SEC61A1: variants seen among roughly 807,000 people sequenced by gnomAD.
SEC61A1 encodes SEC61 translocon subunit alpha 1.
SEC61A1 carries 15 observed loss-of-function variants against 55.2 expected under a neutral mutation model. The ratio of observed to expected loss-of-function variants is 0.27; its 90% confidence interval spans 0.18 to 0.42. SEC61A1 has a LOEUF of 0.42. Ranked by LOEUF, SEC61A1 falls within the 10% of genes least tolerant of loss-of-function variation. The probability of loss-of-function intolerance (pLI) is 1.00; values close to 1 mark genes in which losing one functional copy is unlikely to be tolerated. For missense variants in SEC61A1, 284 were observed against 602.6 expected (o/e 0.47, Z 5.53); for synonymous variants, 247 against 234.0 (o/e 1.06, Z -0.51).
Position 128,067,399 on chromosome 3 carries a change from C to G in SEC61A1, c.976-22C>G, listed in dbSNP as rs558238571. 6.3e-7 allele frequency: 1 copy of G among 1,599,956 alleles called. No individual in the cohort carries two copies. The highest frequency in any genetic ancestry group is 1.7e-5 in the Admixed American group (1 of 57,166). ...AGTAAAATGAAGGAGCACTCACATG[C>G]GTTTGGTTTCTTCTTCCCCAGGACA... On this transcript the variant is annotated intron_variant, in intron 9 of 11. Transcript: ENST00000243253. This position sits in a 1 kb window ranked among gnomAD's most constrained non-coding sequence, Gnocchi z 4.1.
At position 128,055,257 on chromosome 3, in the gene SEC61A1, A is replaced by G. The variant is rs148973603; in HGVS notation, c.76-259A>G. 2.0e-3 allele frequency among the ~76,000 whole-genome samples: 310 copies of G among 152,308 alleles called. 2 individuals are homozygous for G. The highest frequency in any genetic ancestry group is 6.7e-3 in the African/African-American group (280 of 41,566). ...AAATTATTTAGCTCTTCTAAGGCTC[A>G]GTTGTAAAATAAAGGTAATGCTCTG... On this transcript the variant is annotated intron_variant, in intron 2 of 11. Coordinates refer to ENST00000243253, the MANE Select transcript of SEC61A1 (RefSeq NM_013336.4).
In SEC61A1 at chr3:128,071,644, G is replaced by A. The variant is rs72974063; in HGVS notation, c.*1982G>A. Reference sequence around the variant, plus strand: ...CGCCAAAATGGCATAACTGAGATAAGGTGAATAAGTGACAAATAAAGCCAG... The same window carrying A: ...CGCCAAAATGGCATAACTGAGATAAAGTGAATAAGTGACAAATAAAGCCAG... On this transcript the variant is annotated 3_prime_UTR_variant, in exon 12 of 12. Coordinates refer to ENST00000243253, the MANE Select transcript of SEC61A1 (RefSeq NM_013336.4). 155 of 152,792 alleles carry A rather than the reference G, an allele frequency of 1.0e-3. 1 individual carries two copies. The highest frequency in any genetic ancestry group is 3.2e-3 in the African/African-American group (133 of 41,582). The allele number at this position is 152,792 out of a possible 1,614,324, so 9.5% of individuals were successfully genotyped here. A position where few individuals can be genotyped will look rare whatever the true frequency, so the allele number is the denominator to read the frequency against.
At chr3:128,056,185 G>C (rs1172740440) in intron 4 of SEC61A1, among the ~76,000 whole-genome samples, 2 of 152,066 alleles carry the variant, frequency 1.3e-5, no homozygotes, top group Non-Finnish European at 2.9e-5. Flanking sequence ...GTTACTTATG[G>C]GACTGGGGAG....
At chr3:128,061,910 A>G (rs894968215) in intron 7 of SEC61A1, among the ~76,000 whole-genome samples, 3 of 152,210 alleles carry the variant, frequency 2.0e-5, no homozygotes, top group Non-Finnish European at 2.9e-5. Flanking sequence ...CCAGAGGCTC[A>G]TGTTCCATTC....
At chr3:128,061,058 A>G (rs569472558) in intron 7 of SEC61A1, among the ~76,000 whole-genome samples, 2 of 152,206 alleles carry the variant, frequency 1.3e-5, no homozygotes, top group East Asian at 1.9e-4. Flanking sequence ...CTCTCAGTGA[A>G]TAAGTTTCTA....
chr3:128,053,496 T>G (rs2107640278), intron 2 of SEC61A1, among the ~76,000 whole-genome samples: 1 of 152,336 alleles, frequency 6.6e-6, no homozygotes, highest in South Asian at 2.1e-4. Context: ...GTTGCCAGTG[T>G]AACTACAGCT....
Position 128,067,884 on chromosome 3 carries a change from G to T in SEC61A1, c.1168-99G>T. The T allele has an allele frequency of 1.1e-6, 1 of 932,386 alleles. No individual in the cohort carries two copies. 57.8% of individuals were successfully genotyped at this position (932,386 alleles called of 1,614,324 possible). A position where few individuals can be genotyped will look rare whatever the true frequency, so the allele number is the denominator to read the frequency against. On this transcript the variant is annotated intron_variant, in intron 10 of 11. Coordinates refer to ENST00000243253, the MANE Select transcript of SEC61A1 (RefSeq NM_013336.4). The surrounding 1 kb of genome is among the most constrained non-coding windows in gnomAD (Gnocchi z 4.1). ...AAAGTTCTCTGTATGAATATTGTCA[G>T]TGCTCGAAGAGGCGATCTGTAACTG...
chr3:128,052,037 A>G (rs1319781928), upstream of SEC61A1: 1 of 760,988 alleles, frequency 1.3e-6, no homozygotes, highest in Non-Finnish European at 2.2e-6. Context: ...CACTAACGTC[A>G]AAGAGCAGTG....
In SEC61A1 at chr3:128,067,897, C is replaced by A; in HGVS notation, c.1168-86C>A. On this transcript the variant is annotated intron_variant, in intron 10 of 11. Coordinates refer to ENST00000243253, the MANE Select transcript of SEC61A1 (RefSeq NM_013336.4). The surrounding 1 kb of genome is among the most constrained non-coding windows in gnomAD (Gnocchi z 4.1). ...TGAATATTGTCAGTGCTCGAAGAGG[C>A]GATCTGTAACTGTTCAGTACCACTT... 9.7e-7 allele frequency: 1 copy of A among 1,035,650 alleles called. No individual in the cohort carries two copies. The highest frequency in any genetic ancestry group is 1.5e-6 in the Non-Finnish European group (1 of 663,732). 64.2% of individuals were successfully genotyped at this position (1,035,650 alleles called of 1,614,324 possible).
At chr3:128,065,325 C>A in intron 8 of SEC61A1, 1 of 588,322 alleles carries the variant, frequency 1.7e-6, no homozygotes, top group Middle Eastern at 3.0e-4. Context: ...GTTCTTAGTT[C>A]AAGAGAAGCA....
chr3:128,055,613 G>C lies in SEC61A1; in HGVS notation c.141+32G>C. On this transcript the variant is annotated intron_variant, in intron 3 of 11. Coordinates refer to ENST00000243253, the MANE Select transcript of SEC61A1 (RefSeq NM_013336.4). ...TCAGGCTTGTATTTCGTATTGGGGA[G>C]GGGGATAAGAGTGGCTGGAAACAGG... The C allele has an allele frequency of 2.5e-6, 4 of 1,609,590 alleles. No homozygotes were observed. In the South Asian group the frequency reaches 4.4e-5, roughly 18 times the overall value.
Position 128,069,878 on chromosome 3 carries a change from A to T in SEC61A1, c.*216A>T, listed in dbSNP as rs1283746496. ...AAAAGAACTGTGAAAGTGAAATTTT[A>T]TTCAGCCGACTGCCAGAGAAGTGGG... On this transcript the variant is annotated 3_prime_UTR_variant, in exon 12 of 12. Coordinates refer to ENST00000243253, the MANE Select transcript of SEC61A1 (RefSeq NM_013336.4). 1 of 555,160 alleles carries T rather than the reference A, an allele frequency of 1.8e-6. No homozygotes were observed. Among genetic ancestry groups the T allele is most frequent in the African/African-American group, 1.9e-5 (1 of 52,822 alleles). 34.4% of individuals were successfully genotyped at this position (555,160 alleles called of 1,614,324 possible). A position where few individuals can be genotyped will look rare whatever the true frequency, so the allele number is the denominator to read the frequency against.
intron 5 of SEC61A1, among the ~76,000 whole-genome samples, chr3:128,058,296 C>T (rs1024061550): frequency 4.0e-5 from 6 of 148,434 alleles, no homozygotes; most frequent in Non-Finnish European, 3.0e-5. Flanking sequence ...GCAAGCTCCG[C>T]TTCCTGGGTT....
rs758212975 is a variant in SEC61A1, at chr3:128,055,498, C to T, written c.76-18C>T. On this transcript the variant is annotated intron_variant, in intron 2 of 11. Transcript: ENST00000243253. ...TTCAAAGTAACTCCCTGCTTCAATTCATTCTCTCCTACTCTAGATTCAGTT... is the reference window on the plus strand; with the variant it reads ...TTCAAAGTAACTCCCTGCTTCAATTTATTCTCTCCTACTCTAGATTCAGTT... 6.3e-7 allele frequency: 1 copy of T among 1,593,578 alleles called. No individual in the cohort carries two copies. The highest frequency in any genetic ancestry group is 1.1e-5 in the South Asian group (1 of 90,658).
chr3:128,065,806 G>A lies in SEC61A1; in HGVS notation c.777+769G>A, dbSNP rs537064339. On this transcript the variant is annotated intron_variant, in intron 8 of 11. Coordinates refer to ENST00000243253, the MANE Select transcript of SEC61A1 (RefSeq NM_013336.4). ...GGCTGGAGTGCAGTGGCGCGATCTC[G>A]ACTCGACTCACTGCAACCTCCGCCT... 1.8e-4 allele frequency among the ~76,000 whole-genome samples: 23 copies of A among 131,002 alleles called. No homozygotes were observed. The East Asian group carries it at 4.4e-3, about 25-fold the overall frequency. 85.9% of individuals were successfully genotyped at this position (131,002 alleles called of 152,430 possible). A position where few individuals can be genotyped will look rare whatever the true frequency, so the allele number is the denominator to read the frequency against.
At chr3:128,053,793 G>A (rs141402570) in intron 2 of SEC61A1, among the ~76,000 whole-genome samples, 9 of 152,322 alleles carry the variant, frequency 5.9e-5, no homozygotes, top group Non-Finnish European at 1.2e-4. Context: ...CACCTTAATA[G>A]CTATGTGACC....
At chr3:128,063,842 G>A (rs551497741) in intron 7 of SEC61A1, among the ~76,000 whole-genome samples, 2 of 152,118 alleles carry the variant, frequency 1.3e-5, no homozygotes, top group African/African-American at 2.4e-5. Flanking sequence ...GTTTTTTAAC[G>A]TAAGTAAATT....
chr3:128,064,049 T>C (rs1446832761), intron 7 of SEC61A1, among the ~76,000 whole-genome samples: 1 of 152,152 alleles, frequency 6.6e-6, no homozygotes, highest in Non-Finnish European at 1.5e-5. Context: ...TGGGACCACA[T>C]GGTGGACGCA....
chr3:128,063,768 A>T (rs1941888276), intron 7 of SEC61A1, among the ~76,000 whole-genome samples: 2 of 152,132 alleles, frequency 1.3e-5, no homozygotes, highest in South Asian at 4.1e-4. Context: ...GGCTTCCATT[A>T]TGGGATGGTT....
Sources: allele counts gnomAD v4.1 joint callset (sites outside exome capture counted in the v4.1 genomes callset), GRCh38; gene constraint gnomAD v4.1.1; non-coding constraint Gnocchi (gnomAD v3.1); transcripts MANE v1.5; gene names NCBI Gene and HGNC (gene_info 2026-07-23, HGNC 2026-07-21).